Variants in MARF1 observed in about 807,000 individuals in gnomAD.
MARF1 encodes the protein limkain-b1.
In MARF1, 24 loss-of-function variants were observed where a neutral mutation model predicts 168.2. The ratio of observed to expected loss-of-function variants is 0.14; its 90% confidence interval spans 0.10 to 0.20. MARF1 has a LOEUF of 0.20. Among genes scored for constraint, MARF1 ranks in the 10% least tolerant of loss-of-function variants. The pLI is 1.00. For missense variants in MARF1, 1,744 were observed against 2,143.6 expected (o/e 0.81, Z 3.68); for synonymous variants, 868 against 822.4 (o/e 1.06, Z -0.95).
Position 15,596,564 on chromosome 16 carries a change from ACAG to A in MARF1, c.*126_*128del. 1.2e-6 allele frequency: 1 copy of A among 834,700 alleles called. No homozygotes were observed. Among genetic ancestry groups the A allele is most frequent in the Non-Finnish European group, 1.8e-6 (1 of 565,918 alleles). 51.7% of individuals were successfully genotyped at this position (834,700 alleles called of 1,614,324 possible). A position where few individuals can be genotyped will look rare whatever the true frequency, so the allele number is the denominator to read the frequency against. On this transcript the variant is annotated 3_prime_UTR_variant, in exon 27 of 27. Coordinates refer to ENST00000396368, the MANE Select transcript of MARF1 (RefSeq NM_014647.4). ...ATGGAAAAGAAAAACATGATAGAAC[ACAG>A]GTAAGATGAAGTCAATGGCTTCGGG...
intron 5 of MARF1, among the ~76,000 whole-genome samples, 194 bp downstream of exon 5, chr16:15,633,423 G>A (rs2035380291): frequency 6.6e-6 from 1 of 152,080 alleles, no homozygotes; most frequent in Non-Finnish European, 1.5e-5. Flanking sequence ...GCGTGCATCT[G>A]TGATCCTGGC....
Position 15,617,441 on chromosome 16 carries a change from G to T in MARF1, c.2815C>A (p.Pro939Thr). 1 of 1,614,068 alleles carries T rather than the reference G, an allele frequency of 6.2e-7. No homozygotes were observed. The highest frequency in any genetic ancestry group is 8.5e-7 in the Non-Finnish European group (1 of 1,180,022). ...GGGCTCTGGCGGGCCTGACTGCTGGGTAGGAGACACACCAGCCGTCCGTTT... is the reference window on the plus strand; with the variant it reads ...GGGCTCTGGCGGGCCTGACTGCTGGTTAGGAGACACACCAGCCGTCCGTTT... ...QGNGRLVCLL[P>T]SSQARQSPLG... Residue 939 changes from proline to threonine, a missense_variant, in exon 14 of 27, where the codon CCC becomes ACC. Pro to Thr is a conservative substitution (Grantham distance 38). This residue lies in a region of MARF1 where 543 missense variants were observed against 742.1 expected (regional missense o/e 0.73). Coordinates refer to ENST00000396368, the MANE Select transcript of MARF1 (RefSeq NM_014647.4).
intron 13 of MARF1, among the ~76,000 whole-genome samples, 197 bp from the exon 14 acceptor site, chr16:15,617,732 C>T (rs1458199176): frequency 1.3e-5 from 2 of 152,162 alleles, no homozygotes; most frequent in East Asian, 1.9e-4. Flanking sequence ...GTCTCTGGCT[C>T]CGACCATGAC....
At chr16:15,624,968 T>C (rs1321063923) in intron 9 of MARF1, 41 bp from the exon 10 acceptor site, 3 of 1,613,424 alleles carry the variant, frequency 1.9e-6, no homozygotes, top group African/African-American at 2.7e-5. Flanking sequence ...GTCATATGTC[T>C]TCCTTCACAT....
intron 5 of MARF1, 23 bp downstream of exon 5, chr16:15,633,594 A>AT: frequency 6.9e-7 from 1 of 1,441,616 alleles, no homozygotes; most frequent in Non-Finnish European, 9.3e-7. Flanking sequence ...GTAGATTAAA[A>AT]TTATTAAATT....
intron 16 of MARF1, among the ~76,000 whole-genome samples, chr16:15,613,657 G>A (rs1243942198): frequency 1.7e-4 from 5 of 28,572 alleles, no homozygotes; most frequent in Non-Finnish European, 3.3e-4. Context: ...GCGAGATTCC[G>A]TCTCAATAAA....
intron 13 of MARF1, among the ~76,000 whole-genome samples, chr16:15,619,052 AATC>A (rs2046980548): frequency 1.3e-5 from 2 of 152,120 alleles, no homozygotes; most frequent in African/African-American, 4.8e-5. Context: ...TAGGAGGGAG[AATC>A]ACTTGAAGCC....
At position 15,636,633 on chromosome 16, in the gene MARF1, G is replaced by A. The variant is rs556647805; in HGVS notation, c.145-291C>T. ...CATCTTTAGCAGCCACCATGCCTCA[G>A]TAACTTCCTTTTGGTAATTTCCCCT... On this transcript the variant is annotated intron_variant, in intron 2 of 26. Transcript: ENST00000396368. Among the ~76,000 whole-genome samples the A allele has an allele frequency of 4.6e-5, 7 of 152,300 alleles. No individual in the cohort carries two copies. In the East Asian group the frequency reaches 7.7e-4, roughly 17 times the overall value.
At position 15,599,178 on chromosome 16, in the gene MARF1, AAAACC is replaced by A; in HGVS notation, c.4814-159_4814-155del. 16 of 690,370 alleles carry A rather than the reference AAAACC, an allele frequency of 2.3e-5. 1 individual carries two copies. The East Asian group carries it at 3.0e-4, about 13-fold the overall frequency. 42.8% of individuals were successfully genotyped at this position (690,370 alleles called of 1,614,324 possible). On this transcript the variant is annotated intron_variant, in intron 25 of 26. Transcript: ENST00000396368. ...TTAAAAAAAAAAAAAAAAAAAAACA[AAAACC>A]CAAAACCCACTAACAGGAAGATCCT... is the stretch of plus-strand genomic sequence containing the variant.
chr16:15,634,222 C>T (rs775985192), intron 4 of MARF1, among the ~76,000 whole-genome samples: 3 of 152,200 alleles, frequency 2.0e-5, no homozygotes, highest in Non-Finnish European at 4.4e-5. Flanking sequence ...ACTTATCTAC[C>T]TACTTGGTAG....
intron 16 of MARF1, 33 bp from the exon 17 acceptor site, chr16:15,612,810 G>A: frequency 6.3e-7 from 1 of 1,575,944 alleles, no homozygotes; most frequent in Non-Finnish European, 8.7e-7. Flanking sequence ...AAGACAGAAA[G>A]CACAGATTTC....
At chr16:15,598,735 G>C in intron 26 of MARF1, 119 bp downstream of exon 26, 1 of 986,724 alleles carries the variant, frequency 1.0e-6, no homozygotes, top group Non-Finnish European at 1.5e-6. Flanking sequence ...TCAGCACAGT[G>C]TTTTCCACCT....
At position 15,635,817 on chromosome 16, in the gene MARF1, A is replaced by C; in HGVS notation, c.670T>G (p.Phe224Val). 1 of 1,614,222 alleles carries C rather than the reference A, an allele frequency of 6.2e-7. No individual in the cohort carries two copies. Among genetic ancestry groups the C allele is most frequent in the Non-Finnish European group, 8.5e-7 (1 of 1,180,040 alleles). Residue 224 changes from phenylalanine (F) to valine (V), a missense_variant, in exon 3 of 27, where the codon TTC (phenylalanine) becomes GTC (valine). Coordinates refer to ENST00000396368, the MANE Select transcript of MARF1 (RefSeq NM_014647.4). ...SLQGCTSAGY[F>V]PCSDFTSGAP... ...CCGCTTGTGAAATCAGAACAGGGGA[A>C]ATAGCCAGCGGAGGTGCAGCCCTGC...
intron 12 of MARF1, 88 bp from the exon 13 acceptor site, chr16:15,620,619 A>C: frequency 1.3e-6 from 1 of 787,106 alleles, no homozygotes; most frequent in East Asian, 2.8e-5. Flanking sequence ...AACCCAGTGC[A>C]TATGCAAAAT....
At chr16:15,636,881 T>C (rs1245219288) in intron 2 of MARF1, among the ~76,000 whole-genome samples, 2 of 152,204 alleles carry the variant, frequency 1.3e-5, no homozygotes, top group African/African-American at 4.8e-5. Flanking sequence ...TCCGTGTTGC[T>C]GATGACATTT....
At chr16:15,633,987 G>A (rs2035418545) in intron 4 of MARF1, 144 bp from the exon 5 acceptor site, 2 of 657,688 alleles carry the variant, frequency 3.0e-6, no homozygotes, top group South Asian at 2.1e-5. Context: ...CAACCTCACT[G>A]GTTGACCTAA....
intron 20 of MARF1, among the ~76,000 whole-genome samples, chr16:15,609,284 C>CT (rs1173642121): frequency 1.3e-5 from 2 of 152,010 alleles, no homozygotes; most frequent in African/African-American, 2.4e-5. Flanking sequence ...CCTACTGAAT[C>CT]TTTTTTTCAA....
chr16:15,601,966 C>T (rs1304309694), intron 23 of MARF1, 25 bp downstream of exon 23: 4 of 1,598,820 alleles, frequency 2.5e-6, no homozygotes, highest in Non-Finnish European at 3.4e-6. Context: ...AAGATGCTCT[C>T]CCGGAAGCTG....
chr16:15,629,148 C>T (rs1596491049), intron 7 of MARF1, among the ~76,000 whole-genome samples: 1 of 151,740 alleles, frequency 6.6e-6, no homozygotes, highest in African/African-American at 2.4e-5. Context: ...ACCGTATTTA[C>T]ATAAGGCCTT....
Sources: gnomAD v4.1 joint callset for allele counts (sites outside exome capture counted in the v4.1 genomes callset) on GRCh38, gnomAD v4.1.1 for gene constraint, gnomAD v4.1.1 regional missense constraint, MANE v1.5 for transcripts, NCBI Gene and HGNC (gene_info 2026-07-23, HGNC 2026-07-21) for gene names.